ZNF398: variants seen among roughly 807,000 people sequenced by gnomAD.
The protein encoded by ZNF398 is zinc finger protein 398, also known as zinc finger DNA binding protein ZER6.
A neutral mutation model predicts 41.9 loss-of-function variants in ZNF398; 18 were observed. The ratio of observed to expected loss-of-function variants is 0.43; its 90% CI spans 0.30 to 0.64. The LOEUF (loss-of-function observed/expected upper bound fraction) is 0.64. ZNF398 is among the 30% of genes least tolerant of loss of function. ZNF398 has a pLI of 0.14. For synonymous variants in ZNF398, 260 were observed against 308.8 expected, an observed-to-expected ratio of 0.84 and a Z score of 1.66; for missense variants, 669 against 822.8, an observed-to-expected ratio of 0.81 and a Z score of 2.29.
upstream of ZNF398, among the ~76,000 whole-genome samples, chr7:149,145,437 A>C (rs1263989159): frequency 1.3e-5 from 2 of 152,150 alleles, no homozygotes; most frequent in Non-Finnish European, 2.9e-5. Flanking sequence ...TTGCATCTCT[A>C]TTGTTCCTAT....
chr7:149,155,342 C>A (rs12672745), intron 2 of ZNF398, among the ~76,000 whole-genome samples: 77,757 of 151,386 alleles, frequency 0.51, 23,540 homozygotes, highest in East Asian at 0.9. Flanking sequence ...ATCGCTTGAA[C>A]CCGGGAGACA....
intron 1 of ZNF398, chr7:149,148,605 C>T (rs1410355260): frequency 4.6e-6 from 2 of 432,218 alleles, no homozygotes; most frequent in Non-Finnish European, 6.2e-6. Context: ...GAAGTGCCAC[C>T]TCCACTCTTG....
intron 2 of ZNF398, among the ~76,000 whole-genome samples, chr7:149,164,436 G>A (rs1054637338): frequency 2.6e-5 from 4 of 151,812 alleles, no homozygotes; most frequent in African/African-American, 4.8e-5. Context: ...TAAAAAAAGA[G>A]AAAGAAAGAA....
At chr7:149,142,653 C>T (rs953464686), upstream of ZNF398, among the ~76,000 whole-genome samples, 4 of 152,116 alleles carry the variant, frequency 2.6e-5, no homozygotes, top group South Asian at 2.1e-4. Flanking sequence ...GGCAACAGAG[C>T]GAGACTCCGT....
chr7:149,139,255 T>G (rs968479784), intron 2 of ZNF398, among the ~76,000 whole-genome samples: 2 of 151,642 alleles, frequency 1.3e-5, no homozygotes, highest in Non-Finnish European at 2.9e-5. Flanking sequence ...AGATGGGGTC[T>G]CACAATGTTG....
At chr7:149,158,726 C>T (rs1197377521) in intron 2 of ZNF398, among the ~76,000 whole-genome samples, 1 of 150,588 alleles carries the variant, frequency 6.6e-6, no homozygotes, top group Non-Finnish European at 1.5e-5. Flanking sequence ...CCCAGCTACT[C>T]GGGAGGCTGA....
intron 2 of ZNF398, among the ~76,000 whole-genome samples, chr7:149,140,540 T>C (rs959627776): frequency 6.6e-6 from 1 of 152,064 alleles, no homozygotes; most frequent in Non-Finnish European, 1.5e-5. Context: ...AGTGCCACTA[T>C]GCCCGGCTAA....
intron 2 of ZNF398, among the ~76,000 whole-genome samples, chr7:149,156,240 C>G (rs930613834): frequency 1.3e-5 from 2 of 151,880 alleles, no homozygotes; most frequent in South Asian, 4.1e-4. Context: ...GGTGCATTGG[C>G]TCACGCCTGT....
chr7:149,170,890 C>T (rs1177261067), intron 4 of ZNF398, among the ~76,000 whole-genome samples: 4 of 151,678 alleles, frequency 2.6e-5, no homozygotes, highest in Non-Finnish European at 4.4e-5. Context: ...ACTTAGGCCA[C>T]ACTAAATTTA....
chr7:149,137,973 G>A (rs1826748602), intron 2 of ZNF398, among the ~76,000 whole-genome samples: 1 of 151,942 alleles, frequency 6.6e-6, no homozygotes, highest in Non-Finnish European at 1.5e-5. Context: ...GCCGAGGCGG[G>A]CGGATCACCT....
In ZNF398 at chr7:149,154,221, A is replaced by C. The variant is rs755786158; in HGVS notation, c.301A>C (p.Thr101Pro). 3 of 1,614,076 alleles carry C rather than the reference A, an allele frequency of 1.9e-6. No individual in the cohort carries two copies. The highest frequency in any genetic ancestry group is 1.7e-6 in the Non-Finnish European group (2 of 1,180,016). The change falls in exon 2 of 6, where the codon ACC becomes CCC. Residue 101 changes from threonine to proline, a missense_variant. By Grantham distance (38) the Thr-to-Pro change is conservative. This residue lies in a region of ZNF398 where 169 missense variants were observed against 239.5 expected (regional missense o/e 0.71). Transcript: ENST00000475153. ...GGAGGGCAAGTGGGCCGTGCTGGGA[A>C]CCCTGCTGCAGGAGTACGGGCTGCT... ...QLEGKWAVLG[T>P]LLQEYGLLQR...
intron 1 of ZNF398, among the ~76,000 whole-genome samples, chr7:149,152,701 G>A (rs769777714): frequency 6.6e-6 from 1 of 151,792 alleles, no homozygotes. Flanking sequence ...GAGTAGCTGA[G>A]ATTACAGGCA....
At chr7:149,159,613 A>G (rs1795058287) in intron 2 of ZNF398, among the ~76,000 whole-genome samples, 1 of 151,746 alleles carries the variant, frequency 6.6e-6, no homozygotes, top group Admixed American at 6.6e-5. Flanking sequence ...GCACCACTGC[A>G]CTCCAGCCTG....
At chr7:149,139,842 A>G (rs1826785865) in intron 2 of ZNF398, among the ~76,000 whole-genome samples, 2 of 151,960 alleles carry the variant, frequency 1.3e-5, no homozygotes, top group Non-Finnish European at 2.9e-5. Context: ...TGTCTCTACT[A>G]AAAATACAAA....
intron 1 of ZNF398, among the ~76,000 whole-genome samples, chr7:149,152,785 G>A (rs982024884): frequency 1.1e-4 from 16 of 151,374 alleles, no homozygotes; most frequent in African/African-American, 3.2e-4. Context: ...GGCAGGTCTC[G>A]AACTCCCGAC....
chr7:149,143,808 C>T (rs1826874735), upstream of ZNF398, among the ~76,000 whole-genome samples: 1 of 151,988 alleles, frequency 6.6e-6, no homozygotes, highest in South Asian at 2.1e-4. Context: ...GTAAAAACTC[C>T]ATCTCAAAAA....
At chr7:149,144,395 C>T (rs1412792927), upstream of ZNF398, among the ~76,000 whole-genome samples, 1 of 152,132 alleles carries the variant, frequency 6.6e-6, no homozygotes, top group African/African-American at 2.4e-5. Context: ...ACTGCAGCTT[C>T]AACCTCCCTG....
chr7:149,156,472 T>A (rs1275665705), intron 2 of ZNF398, among the ~76,000 whole-genome samples: 2 of 114,912 alleles, frequency 1.7e-5, no homozygotes, highest in Admixed American at 2.5e-4. Context: ...GCCACTGCAC[T>A]CCAGACCAGG....
At chr7:149,155,123 C>A (rs889663798) in intron 2 of ZNF398, among the ~76,000 whole-genome samples, 4 of 151,240 alleles carry the variant, frequency 2.6e-5, no homozygotes, top group African/African-American at 9.7e-5. Flanking sequence ...CCCGTCTCTA[C>A]TTAAAATACA....
Sources: allele counts gnomAD v4.1 joint callset (sites outside exome capture counted in the v4.1 genomes callset), GRCh38; gene constraint gnomAD v4.1.1; regional missense constraint gnomAD v4.1.1; transcripts MANE v1.5; gene names NCBI Gene and HGNC (gene_info 2026-07-23, HGNC 2026-07-21).